INPP5D: variants seen among roughly 807,000 people sequenced by gnomAD.
The protein encoded by INPP5D is phosphatidylinositol 3,4,5-trisphosphate 5-phosphatase 1.
In INPP5D, 33 loss-of-function variants were observed where a neutral mutation model predicts 122.9. The observed-to-expected ratio is 0.27, with a 90% CI of 0.20 to 0.36. INPP5D has a LOEUF of 0.36. Among genes scored for constraint, INPP5D ranks in the 10% least tolerant of loss-of-function variants. INPP5D has a pLI of 1.00. For synonymous variants in INPP5D, 584 were observed against 576.2 expected (o/e 1.01, Z -0.19); for missense variants, 1,053 against 1,412.7 (o/e 0.75, Z 4.08).
chr2:233,151,323 TAATAATA>T, intron 9 of INPP5D, among the ~76,000 whole-genome samples: 1 of 151,414 alleles, frequency 6.6e-6, no homozygotes, highest in South Asian at 2.1e-4. Flanking sequence ...TTAATAATAA[TAATAATA>T]ACAATAATAG....
At chr2:233,199,974 T>C (rs1695290558) in intron 25 of INPP5D, among the ~76,000 whole-genome samples, 1 of 152,094 alleles carries the variant, frequency 6.6e-6, no homozygotes, top group African/African-American at 2.4e-5. Flanking sequence ...GACCATGAGG[T>C]TCCCCATTCT....
chr2:233,124,124 T>G (rs1167852114), intron 3 of INPP5D, among the ~76,000 whole-genome samples: 1 of 152,176 alleles, frequency 6.6e-6, no homozygotes, highest in Non-Finnish European at 1.5e-5. Context: ...TTTTTTTTTT[T>G]TTTTAAAGGC....
At chr2:233,165,392 G>T (rs1314171801) in intron 13 of INPP5D, among the ~76,000 whole-genome samples, 1 of 152,052 alleles carries the variant, frequency 6.6e-6, no homozygotes, top group African/African-American at 2.4e-5. Flanking sequence ...GTGTTTGTGT[G>T]TGTTTATGTG....
In INPP5D at chr2:233,170,947, C is replaced by T; in HGVS notation, c.1901-117C>T. 7.3e-7 allele frequency: 1 copy of T among 1,360,808 alleles called. No homozygotes were observed. The highest frequency in any genetic ancestry group is 1.9e-4 in the Middle Eastern group (1 of 5,298). The allele number at this position is 1,360,808 out of a possible 1,614,324, so 84.3% of individuals were successfully genotyped here. On this transcript the variant is annotated intron_variant, in intron 16 of 26. Coordinates refer to ENST00000445964, the MANE Select transcript of INPP5D (RefSeq NM_001017915.3). This position sits in a 1 kb window ranked among gnomAD's most constrained non-coding sequence, Gnocchi z 4.5. ...AAAGCAGCAGCCTCTCCTCTTGGAG[C>T]CTTTCCAGCCATCCTTTCGTCCCCT...
intron 2 of INPP5D, among the ~76,000 whole-genome samples, chr2:233,109,561 G>A (rs192174128): frequency 9.9e-5 from 15 of 152,000 alleles, no homozygotes; most frequent in African/African-American, 3.1e-4. Context: ...AGGCAAGATG[G>A]TTTTTTTCTT....
At chr2:233,121,121 C>CTTTTTTTTTTTTTTTTTTTTT (rs369587747) in intron 2 of INPP5D, among the ~76,000 whole-genome samples, 1 of 117,652 alleles carries the variant, frequency 8.5e-6, no homozygotes, top group African/African-American at 3.1e-5. Context: ...TTCTTTCTTT[C>CTTTTTTTTTTTTTTTTTTTTT]TTTTTTTTTT....
At chr2:233,077,179 T>C (rs939340316) in intron 1 of INPP5D, among the ~76,000 whole-genome samples, 1 of 152,216 alleles carries the variant, frequency 6.6e-6, no homozygotes, top group Non-Finnish European at 1.5e-5. Context: ...TATGATATTA[T>C]TGGCATCTAA....
chr2:233,124,045 A>G (rs1273333665), intron 3 of INPP5D, among the ~76,000 whole-genome samples: 1 of 152,212 alleles, frequency 6.6e-6, no homozygotes, highest in Admixed American at 6.5e-5. Context: ...AATCTGTACA[A>G]CAAACCCCAT....
intron 9 of INPP5D, among the ~76,000 whole-genome samples, chr2:233,153,716 C>T (rs1488273787): frequency 6.6e-6 from 1 of 152,182 alleles, no homozygotes. Flanking sequence ...TAGCCAGTGG[C>T]TCCTCCTCAC....
chr2:233,176,993 G>A (rs2106309258), intron 17 of INPP5D, among the ~76,000 whole-genome samples: 1 of 152,162 alleles, frequency 6.6e-6, no homozygotes, highest in South Asian at 2.1e-4. Context: ...AGTAAGAGAA[G>A]GTGAAGATAC....
chr2:233,176,273 G>A (rs1694621886), intron 17 of INPP5D, among the ~76,000 whole-genome samples: 1 of 150,348 alleles, frequency 6.7e-6, no homozygotes, highest in African/African-American at 2.4e-5. Context: ...GGATAAGTAG[G>A]TAGACGGGTG....
At chr2:233,119,798 G>A (rs756333080) in intron 2 of INPP5D, among the ~76,000 whole-genome samples, 7 of 152,132 alleles carry the variant, frequency 4.6e-5, no homozygotes, top group African/African-American at 1.2e-4. Flanking sequence ...ACAAGGGCTC[G>A]GGAACAGGTC....
chr2:233,198,972 G>A (rs6722529), intron 25 of INPP5D, among the ~76,000 whole-genome samples: 29,214 of 150,576 alleles, frequency 0.19, 2,786 homozygotes, highest in East Asian at 0.36. Context: ...AATTTCGGCC[G>A]GGCACGGTGG....
chr2:233,198,296 C>T lies in INPP5D; in HGVS notation c.2895C>T (p.Pro965=), dbSNP rs113310654. ...GGGGAGAAAGTCCTCCGACACCTCC[C>T]GGCCAGCCGCCCATATCACCCAAGA... ...PCRGESPPTP[P]GQPPISPKKF... Residue 965 remains proline, a synonymous_variant, in exon 25 of 27, where the codon CCC becomes CCT. Transcript: ENST00000445964. 1,672 of 1,613,648 alleles carry T rather than the reference C, an allele frequency of 1.0e-3. 17 individuals carry two copies. The African/African-American group carries it at 0.018, about 17-fold the overall frequency.
chr2:233,144,797 C>T (rs1217444408), intron 6 of INPP5D, among the ~76,000 whole-genome samples: 4 of 151,376 alleles, frequency 2.6e-5, no homozygotes, highest in Non-Finnish European at 5.9e-5. Flanking sequence ...ATTGTGGTGG[C>T]CATGCTGATG....
chr2:233,168,191 T>C (rs894837582), intron 13 of INPP5D, among the ~76,000 whole-genome samples: 3 of 152,224 alleles, frequency 2.0e-5, no homozygotes, highest in African/African-American at 4.8e-5. Context: ...ATAGATTTTA[T>C]TGAATTTCAT....
At chr2:233,095,334 G>T (rs1050842751) in intron 2 of INPP5D, among the ~76,000 whole-genome samples, 12 of 152,090 alleles carry the variant, frequency 7.9e-5, no homozygotes, top group South Asian at 4.1e-4. Flanking sequence ...AAACTTCTGG[G>T]CTTGGCCAGG....
At chr2:233,107,497 G>C (rs1692499514) in intron 2 of INPP5D, among the ~76,000 whole-genome samples, 1 of 152,206 alleles carries the variant, frequency 6.6e-6, no homozygotes, top group Non-Finnish European at 1.5e-5. Flanking sequence ...TGAACTCAGA[G>C]AAAGGGGTGA....
intron 13 of INPP5D, among the ~76,000 whole-genome samples, chr2:233,166,234 T>C (rs1264221262): frequency 6.6e-6 from 1 of 152,168 alleles, no homozygotes; most frequent in African/African-American, 2.4e-5. Flanking sequence ...CCTGCCCCGC[T>C]GTGCAGAATA....
Sources: allele counts gnomAD v4.1 joint callset (sites outside exome capture counted in the v4.1 genomes callset), GRCh38; gene constraint gnomAD v4.1.1; non-coding constraint Gnocchi (gnomAD v3.1); transcripts MANE v1.5; gene names NCBI Gene and HGNC (gene_info 2026-07-23, HGNC 2026-07-21).